Variants in KCNH1 observed in about 807,000 individuals in gnomAD.
The protein encoded by KCNH1 is voltage-gated delayed rectifier potassium channel KCNH1.
Under a neutral mutation model 69.2 loss-of-function variants are expected in KCNH1, and 27 were observed. The observed-to-expected ratio is 0.39, with a 90% confidence interval of 0.29 to 0.54. The LOEUF is 0.54. Ranked by LOEUF, KCNH1 falls within the 20% of genes least tolerant of loss-of-function variation. The pLI is 0.68. For missense variants in KCNH1, 798 were observed against 1,261.6 expected (o/e 0.63, Z 5.57); for synonymous variants, 456 against 487.7 (o/e 0.93, Z 0.86).
chr1:210,944,595 C>T (rs74429972), intron 6 of KCNH1, among the ~76,000 whole-genome samples: 2 of 152,196 alleles, frequency 1.3e-5, no homozygotes, highest in African/African-American at 4.8e-5. Flanking sequence ...AGATAAGGAA[C>T]CAGAAGTGCA....
Position 211,133,760 on chromosome 1 carries a change from A to G in KCNH1, c.79+107T>C. On this transcript the variant is annotated intron_variant, in intron 1 of 10. Transcript: ENST00000271751. The surrounding 1 kb of genome is among the most constrained non-coding windows in gnomAD (Gnocchi z 5.4). ...GGTGCCCGCGCCGCGGCTCCTTAGC[A>G]GAGCTCGCGGGTTCTGCTGCATCTG... 2.0e-6 allele frequency: 2 copies of G among 1,025,480 alleles called. No homozygotes were observed. The highest frequency in any genetic ancestry group is 2.9e-5 in the South Asian group (2 of 69,994). The allele number at this position is 1,025,480 out of a possible 1,614,324, so 63.5% of individuals were successfully genotyped here. A position where few individuals can be genotyped will look rare whatever the true frequency, so the allele number is the denominator to read the frequency against.
At chr1:211,123,546 C>CA (rs1191774169) in intron 1 of KCNH1, among the ~76,000 whole-genome samples, 1 of 151,878 alleles carries the variant, frequency 6.6e-6, no homozygotes, top group African/African-American at 2.4e-5. Context: ...GCAGAGACAG[C>CA]AAAAACAGAG....
intron 10 of KCNH1, among the ~76,000 whole-genome samples, chr1:210,690,762 G>A (rs1255383053): frequency 6.6e-6 from 1 of 152,222 alleles, no homozygotes; most frequent in African/African-American, 2.4e-5. Context: ...AGGAGGGGAG[G>A]GGGCCCCAGA....
At chr1:210,686,283 T>G (rs1282303720) in intron 10 of KCNH1, among the ~76,000 whole-genome samples, 1 of 152,208 alleles carries the variant, frequency 6.6e-6, no homozygotes, top group Admixed American at 6.5e-5. Context: ...CACTGTGCTC[T>G]GTTCTGGGAA....
intron 7 of KCNH1, chr1:210,862,356 T>G (rs951146059): frequency 1.5e-6 from 1 of 668,722 alleles, no homozygotes; most frequent in Admixed American, 2.2e-5. Flanking sequence ...ACTGCACACA[T>G]GGACCTGCCG....
intron 7 of KCNH1, among the ~76,000 whole-genome samples, chr1:210,809,824 G>A (rs558075989): frequency 1.4e-4 from 22 of 152,282 alleles, no homozygotes; most frequent in East Asian, 3.9e-4. Context: ...GACTAAGGGC[G>A]TTTAGTGAGA....
At chr1:210,745,659 A>G (rs1683132649) in intron 10 of KCNH1, among the ~76,000 whole-genome samples, 1 of 152,164 alleles carries the variant, frequency 6.6e-6, no homozygotes, top group Admixed American at 6.5e-5. Flanking sequence ...AGCTTTTTCT[A>G]CTATCCCAAA....
chr1:210,780,908 G>C (rs530903304), intron 9 of KCNH1, among the ~76,000 whole-genome samples: 11 of 152,152 alleles, frequency 7.2e-5, no homozygotes, highest in Non-Finnish European at 1.6e-4. Context: ...TTAGCCGGGC[G>C]TGGTGGCAGG....
At chr1:210,796,154 CAAAA>C in intron 9 of KCNH1, among the ~76,000 whole-genome samples, 1 of 134,188 alleles carries the variant, frequency 7.5e-6, no homozygotes, top group Non-Finnish European at 1.6e-5. Context: ...GATTCCGTCT[CAAAA>C]AAAAAAAAAA....
chr1:210,745,692 C>T (rs973190628), intron 10 of KCNH1, among the ~76,000 whole-genome samples: 2 of 152,178 alleles, frequency 1.3e-5, no homozygotes, highest in African/African-American at 4.8e-5. Flanking sequence ...AACCCGCTCC[C>T]ACCCGCCCCC....
intron 7 of KCNH1, among the ~76,000 whole-genome samples, chr1:210,856,822 T>C (rs866334582): frequency 3.1e-5 from 4 of 129,006 alleles, no homozygotes; most frequent in Non-Finnish European, 6.7e-5. Flanking sequence ...TTATATATAT[T>C]TTATATATAA....
intron 10 of KCNH1, among the ~76,000 whole-genome samples, chr1:210,756,434 G>A (rs985780581): frequency 2.0e-5 from 3 of 152,222 alleles, no homozygotes; most frequent in African/African-American, 7.2e-5. Context: ...GCATTTGCAA[G>A]AAGTGTGCCA....
intron 10 of KCNH1, among the ~76,000 whole-genome samples, chr1:210,750,283 C>G (rs1469496509): frequency 1.3e-5 from 2 of 152,250 alleles, no homozygotes; most frequent in East Asian, 1.9e-4. Context: ...AGTGCCTTGT[C>G]CAAAGTAAAG....
At chr1:210,722,996 A>C (rs1410040355) in intron 10 of KCNH1, among the ~76,000 whole-genome samples, 2 of 152,214 alleles carry the variant, frequency 1.3e-5, no homozygotes, top group African/African-American at 2.4e-5. Flanking sequence ...TAACCTGATA[A>C]AAAATCAACA....
intron 7 of KCNH1, among the ~76,000 whole-genome samples, chr1:210,887,253 AG>A (rs1266998297): frequency 6.6e-6 from 1 of 152,178 alleles, no homozygotes. Context: ...ACACTCTTAA[AG>A]GAAATGATTT....
intron 6 of KCNH1, among the ~76,000 whole-genome samples, chr1:210,949,795 C>CA (rs1227731732): frequency 1.3e-5 from 2 of 152,164 alleles, no homozygotes; most frequent in African/African-American, 4.8e-5. Flanking sequence ...CAAGCTGGTG[C>CA]AAAGTAATTA....
intron 7 of KCNH1, among the ~76,000 whole-genome samples, chr1:210,846,718 A>G (rs960767614): frequency 2.9e-4 from 44 of 152,170 alleles, no homozygotes; most frequent in African/African-American, 1.0e-3. Flanking sequence ...ACAAAAGCCA[A>G]AATTGACAAA....
At chr1:210,740,704 A>ATTTTTTTTTTTTT (rs199727493) in intron 10 of KCNH1, among the ~76,000 whole-genome samples, 67 of 117,238 alleles carry the variant, frequency 5.7e-4, no homozygotes, top group African/African-American at 2.1e-3. Flanking sequence ...TTATGATTAA[A>ATTTTTTTTTTTTT]TTTTTTTTTT....
At chr1:210,869,922 A>G (rs1686203602) in intron 7 of KCNH1, among the ~76,000 whole-genome samples, 1 of 152,118 alleles carries the variant, frequency 6.6e-6, no homozygotes, top group Non-Finnish European at 1.5e-5. Context: ...TGTAGTTACA[A>G]GAGGAATGCT....
Sources: gnomAD v4.1 joint callset for allele counts (sites outside exome capture counted in the v4.1 genomes callset) on GRCh38, gnomAD v4.1.1 for gene constraint, Gnocchi (gnomAD v3.1) non-coding constraint, MANE v1.5 for transcripts, NCBI Gene and HGNC (gene_info 2026-07-23, HGNC 2026-07-21) for gene names.